Variants in LILRB3 observed in about 807,000 individuals in gnomAD.
LILRB3 encodes leukocyte immunoglobulin like receptor B3.
A neutral mutation model predicts 68.2 loss-of-function variants in LILRB3; 32 were observed. The ratio of observed to expected loss-of-function variants is 0.47; its 90% CI spans 0.35 to 0.63. The LOEUF (loss-of-function observed/expected upper bound fraction) is 0.63. Among genes scored for constraint, LILRB3 ranks in the 30% least tolerant of loss-of-function variants. The pLI, the probability that LILRB3 is intolerant of heterozygous loss-of-function variation, is 0.00. For missense variants in LILRB3, 502 were observed against 791.3 expected, an observed-to-expected ratio of 0.63 and a Z score of 4.39; for synonymous variants, 185 against 323.1, an observed-to-expected ratio of 0.57 and a Z score of 4.58.
intron 11 of LILRB3, among the ~76,000 whole-genome samples, chr19:54,218,041 C>T (rs955078101): frequency 1.4e-5 from 2 of 143,790 alleles, no homozygotes; most frequent in Non-Finnish European, 3.0e-5. Context: ...TGGGAACACT[C>T]GCTGGATGAA....
At chr19:54,219,362 C>A in intron 7 of LILRB3, 117 bp from the exon 8 acceptor site, 1 of 1,466,234 alleles carries the variant, frequency 6.8e-7, no homozygotes, top group Non-Finnish European at 9.3e-7. Flanking sequence ...AGTCGTGCAA[C>A]ATGGAATTGC....
chr19:54,218,628 C>T lies in LILRB3; in HGVS notation c.1540+17G>A. The T allele has an allele frequency of 1.2e-6, 2 of 1,614,152 alleles. No individual in the cohort carries two copies. Among genetic ancestry groups the T allele is most frequent in the Non-Finnish European group, 1.7e-6 (2 of 1,180,032 alleles). The stretch of plus-strand genomic sequence containing the variant: ...TGTCTCTCCAGCACCCCCATTTGTC[C>T]CCTCTCTTCCTCTTACAGAGGTTTT... On this transcript the variant is annotated intron_variant, in intron 10 of 12. Coordinates refer to ENST00000445347, the Ensembl canonical transcript of LILRB3.
chr19:54,217,645 T>C, intron 11 of LILRB3, 171 bp from the exon 12 acceptor site: 1 of 1,032,340 alleles, frequency 9.7e-7, no homozygotes, highest in Non-Finnish European at 1.4e-6. Context: ...GGTTCTGGCC[T>C]CTGCTCCTCA....
rs1028625569 is a variant in LILRB3 at position 54,222,738 on chromosome 19, C to G, written c.70+9G>C. On this transcript the variant is annotated intron_variant, in intron 2 of 12. Coordinates refer to ENST00000445347, the Ensembl canonical transcript of LILRB3. ...AGTAGGGACCTGGGACAGCTGGGGA[C>G]AGACTCACCTGCCTGCATGCGGGTC... The G allele has an allele frequency of 6.2e-7, 1 of 1,612,586 alleles. No individual in the cohort carries two copies. Among genetic ancestry groups the G allele is most frequent in the Non-Finnish European group, 8.5e-7 (1 of 1,179,866 alleles).
intron 7 of LILRB3, chr19:54,219,630 A>G: frequency 6.6e-7 from 1 of 1,512,100 alleles, no homozygotes; most frequent in East Asian, 2.5e-5. Flanking sequence ...CCCCTGTGGA[A>G]TCGGGTCTGG....
Position 54,222,057 on chromosome 19 carries a change from T to C in LILRB3, c.429A>G (p.Arg143=), listed in dbSNP as rs2147376060. 3.7e-6 allele frequency: 6 copies of C among 1,611,314 alleles called. No homozygotes were observed. In the South Asian group the frequency reaches 6.6e-5, roughly 18 times the overall value. The change falls in exon 4 of 13, where the codon CGA becomes CGG. Residue 143 remains arginine (R), a synonymous_variant. Transcript: ENST00000445347. ...GGTGATATCCCTTCTGTGAGCCACATCGGAGGGTCATATTCCCCCCTGAGG... is the reference window on the plus strand; with the variant it reads ...GGTGATATCCCTTCTGTGAGCCACACCGGAGGGTCATATTCCCCCCTGAGG...
At chr19:54,220,456 CG>C in intron 6 of LILRB3, 71 bp downstream of exon 6, 3 of 1,237,460 alleles carry the variant, frequency 2.4e-6, no homozygotes. Context: ...CCATCCCAGC[CG>C]AGAGCTCTCC....
exon 6 of LILRB3, chr19:54,220,665 G>A: frequency 2.6e-6 from 4 of 1,539,778 alleles, no homozygotes; most frequent in Non-Finnish European, 3.5e-6. Flanking sequence ...GTACTTATGA[G>A]CTCCGTACAT....
intron 7 of LILRB3, 71 bp from the exon 8 acceptor site, chr19:54,219,316 C>G: frequency 6.6e-7 from 1 of 1,504,778 alleles, no homozygotes; most frequent in Non-Finnish European, 8.9e-7. Context: ...AGGCGCGAGC[C>G]AGGTCTTTCC....
At chr19:54,216,947 T>G in exon 13 of LILRB3, 1 of 1,491,704 alleles carries the variant, frequency 6.7e-7, no homozygotes, top group Non-Finnish European at 8.9e-7. Context: ...GTCAGGTGAG[T>G]CCCACAAGTT....
Position 54,216,700 on chromosome 19 carries a change from T to A in LILRB3, c.*393A>T, listed in dbSNP as rs932878296. On this transcript the variant is annotated 3_prime_UTR_variant, in exon 13 of 13. Transcript: ENST00000445347. ...TTAAAACATTCACTGTTTTTTTTTT[T>A]AGAGACAAGGTCTCGCTCTGTCACA... 50 of 1,063,254 alleles carry A rather than the reference T, an allele frequency of 4.7e-5. No homozygotes were observed. In the African/African-American group the frequency reaches 6.4e-4, roughly 14 times the overall value. The allele number at this position is 1,063,254 out of a possible 1,614,324, so 65.9% of individuals were successfully genotyped here.
chr19:54,219,964 C>T, intron 7 of LILRB3, 191 bp downstream of exon 7: 1 of 1,314,822 alleles, frequency 7.6e-7, no homozygotes, highest in Non-Finnish European at 1.1e-6. Context: ...TCTTGCCCCC[C>T]ACATCAGCCC....
At chr19:54,219,082 T>C in intron 8 of LILRB3, 47 bp downstream of exon 8, 1 of 1,550,406 alleles carries the variant, frequency 6.4e-7, no homozygotes, top group Non-Finnish European at 8.7e-7. Flanking sequence ...GCTGGTGCCC[T>C]GAGCCCACCC....
rs142991285 is a variant in LILRB3, at chr19:54,218,931, T to C, written c.1427-93A>G. ...AGGGAAAGAAGGAAAACTAAAAATA[T>C]TCCTGCATGGATGTTCCAAATATTT... On this transcript the variant is annotated intron_variant, in intron 8 of 12. Transcript: ENST00000445347. 4.0e-5 allele frequency: 64 copies of C among 1,587,460 alleles called. No homozygotes were observed. The East Asian group carries it at 5.6e-4, about 14-fold the overall frequency.
chr19:54,219,551 C>T (rs2077869590), intron 7 of LILRB3: 2 of 1,550,402 alleles, frequency 1.3e-6, no homozygotes, highest in Non-Finnish European at 8.7e-7. Context: ...CCTGACCGTC[C>T]TGAACCACGG....
chr19:54,220,153 AC>A lies in LILRB3; in HGVS notation c.1309+1del. On this transcript the variant is annotated splice_donor_variant, in intron 7 of 12. Coordinates refer to ENST00000445347, the Ensembl canonical transcript of LILRB3. LOFTEE classifies it high-confidence loss of function. Reference sequence around the variant, plus strand: ...GCTCCCCAAGAGGCCTCAGTGACTCACCAGGTGTGGAGGGCGGCCCTGTGGG... The same window carrying A: ...GCTCCCCAAGAGGCCTCAGTGACTCACAGGTGTGGAGGGCGGCCCTGTGGG... The A allele has an allele frequency of 6.6e-7, 1 of 1,505,460 alleles. No homozygotes were observed. Among genetic ancestry groups the A allele is most frequent in the Non-Finnish European group, 9.0e-7 (1 of 1,115,580 alleles). The allele number at this position is 1,505,460 out of a possible 1,614,324, so 93.3% of individuals were successfully genotyped here. A position where few individuals can be genotyped will look rare whatever the true frequency, so the allele number is the denominator to read the frequency against.
At chr19:54,217,435 G>T (rs749910174) in exon 12 of LILRB3, 3 of 1,595,598 alleles carry the variant, frequency 1.9e-6, no homozygotes, top group African/African-American at 1.4e-5. Flanking sequence ...TGTTTCACCG[G>T]GGCATACGTC....
At chr19:54,218,076 G>C (rs567402838) in intron 11 of LILRB3, among the ~76,000 whole-genome samples, 2 of 109,410 alleles carry the variant, frequency 1.8e-5, no homozygotes, top group East Asian at 2.0e-4. Flanking sequence ...CCCAGGGGAC[G>C]GAGGTGGTTC....
At chr19:54,220,370 G>T (rs1253434894) in intron 6 of LILRB3, among the ~76,000 whole-genome samples, 158 bp downstream of exon 6, 1 of 122,900 alleles carries the variant, frequency 8.1e-6, no homozygotes, top group Non-Finnish European at 1.8e-5. Flanking sequence ...CCACGCCTAG[G>T]AGAACCCCTG....
Sources: allele counts gnomAD v4.1 joint callset (sites outside exome capture counted in the v4.1 genomes callset), GRCh38; gene constraint gnomAD v4.1.1; transcripts MANE v1.5; gene names NCBI Gene and HGNC (gene_info 2026-07-23, HGNC 2026-07-21).